The following SLC24A4 variants were observed in gnomAD, a reference collection of about 807,000 sequenced individuals.
SLC24A4 encodes solute carrier family 24 member 4.
Under a neutral mutation model 79.0 loss-of-function variants are expected in SLC24A4, and 53 were observed. That is an observed-to-expected ratio of 0.67 (90% CI 0.54 to 0.84). SLC24A4 has a LOEUF of 0.84. Ranked by LOEUF, SLC24A4 falls within the 40% of genes least tolerant of loss-of-function variation. The pLI is 0.00. For missense variants in SLC24A4, 731 were observed against 822.0 expected, an observed-to-expected ratio of 0.89 and a Z score of 1.35; for synonymous variants, 323 against 323.8, an observed-to-expected ratio of 1.00 and a Z score of 0.03.
rs977577874 is a variant in SLC24A4 at position 92,495,274 on chromosome 14, A to C, written c.*1646A>C. The C allele has an allele frequency of 6.6e-6, 1 of 152,136 alleles. No individual in the cohort carries two copies. Among genetic ancestry groups the C allele is most frequent in the African/African-American group, 2.4e-5 (1 of 41,396 alleles). The allele number at this position is 152,136 out of a possible 1,614,324, so 9.4% of individuals were successfully genotyped here. ...GGAAGTGTTCGTGCTTGTGTCCCTG[A>C]AGTTCCCTGTTGCATGAGCCTGCGA... On this transcript the variant is annotated 3_prime_UTR_variant, in exon 17 of 17. Transcript: ENST00000532405.
chr14:92,342,082 A>T (rs1032630243), intron 2 of SLC24A4, among the ~76,000 whole-genome samples: 1 of 151,982 alleles, frequency 6.6e-6, no homozygotes, highest in Non-Finnish European at 1.5e-5. Flanking sequence ...CACTGGGAGG[A>T]TGTTGCTGCC....
At chr14:92,408,410 A>G (rs1041541099) in intron 2 of SLC24A4, 51 of 985,322 alleles carry the variant, frequency 5.2e-5, no homozygotes, top group Non-Finnish European at 5.7e-5. Flanking sequence ...AACTGCAGCT[A>G]AAGCTCTCCT....
In SLC24A4 at chr14:92,442,102, G is replaced by A. The variant is rs1892534505; in HGVS notation, c.407G>A (p.Ser136Asn). The A allele has an allele frequency of 6.2e-7, 1 of 1,613,944 alleles. No individual in the cohort carries two copies. Among genetic ancestry groups the A allele is most frequent in the Non-Finnish European group, 8.5e-7 (1 of 1,179,864 alleles). The change falls in exon 5 of 17, where the codon AGC (serine) becomes AAC (asparagine). Residue 136 changes from serine to asparagine, a missense_variant. Physicochemically the swap from Ser to Asn is conservative, Grantham distance 46. Coordinates refer to ENST00000532405, the MANE Select transcript of SLC24A4 (RefSeq NM_153646.4). ...LEKICERLHLSEDVAGATFMA... is the reference protein window; with the variant it reads ...LEKICERLHLNEDVAGATFMA... The stretch of plus-strand genomic sequence containing the variant: ...CTTCCGTTTCAGAGACTCCATCTGA[G>A]CGAAGATGTGGCTGGAGCCACCTTC...
intron 2 of SLC24A4, among the ~76,000 whole-genome samples, chr14:92,368,320 T>C (rs963066192): frequency 2.2e-4 from 34 of 152,202 alleles, no homozygotes; most frequent in Admixed American, 1.8e-3. Context: ...CTTCACTGGG[T>C]TTATAAGACG....
chr14:92,372,376 C>T (rs928516290), intron 2 of SLC24A4, among the ~76,000 whole-genome samples: 3 of 152,166 alleles, frequency 2.0e-5, no homozygotes, highest in Non-Finnish European at 4.4e-5. Context: ...TGACCAGCTG[C>T]TGCCCACAGA....
chr14:92,372,889 C>CTTCG lies in SLC24A4; in HGVS notation c.241+46914_241+46915insGTTC, dbSNP rs1555363104. ...TGTCCCTTCCTTCCTTCCTTCCTTC[C>CTTCG]TTCCTTCCTTCCTTCCTTCCTTCCT... is the stretch of plus-strand genomic sequence containing the variant. On this transcript the variant is annotated intron_variant, in intron 2 of 16. Coordinates refer to ENST00000532405, the MANE Select transcript of SLC24A4 (RefSeq NM_153646.4). Among the ~76,000 whole-genome samples the CTTCG allele has an allele frequency of 4.9e-3, 545 of 110,416 alleles. 4 individuals carry two copies. The highest frequency in any genetic ancestry group is 0.016 in the African/African-American group (491 of 29,822). The allele number at this position is 110,416 out of a possible 152,430, so 72.4% of individuals were successfully genotyped here.
chr14:92,476,604 G>A (rs907646581), intron 12 of SLC24A4, among the ~76,000 whole-genome samples: 3 of 152,026 alleles, frequency 2.0e-5, no homozygotes, highest in South Asian at 2.1e-4. Flanking sequence ...AAACTAATTC[G>A]TGGTTTTTGC....
At chr14:92,416,697 C>T (rs766700979) in intron 2 of SLC24A4, among the ~76,000 whole-genome samples, 1 of 152,166 alleles carries the variant, frequency 6.6e-6, no homozygotes, top group African/African-American at 2.4e-5. Flanking sequence ...TCAAACCTCA[C>T]GGTGCTTTTG....
intron 10 of SLC24A4, chr14:92,451,907 G>C (rs1893162156): frequency 6.6e-6 from 1 of 152,624 alleles, no homozygotes; most frequent in African/African-American, 2.4e-5. Flanking sequence ...GCCTGGCCTG[G>C]GGCTGGACTG....
At chr14:92,439,997 C>T (rs1235070854) in intron 4 of SLC24A4, among the ~76,000 whole-genome samples, 2 of 152,384 alleles carry the variant, frequency 1.3e-5, no homozygotes, top group East Asian at 1.9e-4. Context: ...CCGTTTGCAG[C>T]ACCTCCTGTG....
chr14:92,484,172 C>T (rs1895232792), intron 13 of SLC24A4: 1 of 985,272 alleles, frequency 1.0e-6, no homozygotes, highest in Non-Finnish European at 1.2e-6. Flanking sequence ...CCAATCACGC[C>T]TTCCCCCATC....
chr14:92,366,710 C>T (rs560669345), intron 2 of SLC24A4, among the ~76,000 whole-genome samples: 2 of 152,338 alleles, frequency 1.3e-5, no homozygotes, highest in East Asian at 3.9e-4. Flanking sequence ...AAAATCCACA[C>T]CGATATGGCC....
intron 2 of SLC24A4, among the ~76,000 whole-genome samples, chr14:92,362,738 C>T (rs1432510055): frequency 3.9e-5 from 6 of 152,232 alleles, no homozygotes; most frequent in East Asian, 1.9e-4. Flanking sequence ...TGTCACCATG[C>T]GCTCCTCCTC....
At chr14:92,390,394 A>G (rs961503992) in intron 2 of SLC24A4, among the ~76,000 whole-genome samples, 7 of 152,088 alleles carry the variant, frequency 4.6e-5, no homozygotes, top group Non-Finnish European at 1.0e-4. Flanking sequence ...AGCCCTTGTT[A>G]TATTTAAGAT....
chr14:92,389,918 T>A (rs1889371116), intron 2 of SLC24A4, among the ~76,000 whole-genome samples: 1 of 152,136 alleles, frequency 6.6e-6, no homozygotes, highest in South Asian at 2.1e-4. Flanking sequence ...TTCCCAAGCA[T>A]CCTCTGCAGC....
chr14:92,493,504 G>T lies in SLC24A4; in HGVS notation c.1745G>T (p.Arg582Leu). ...TVLGIHLNKW[R>L]LDRKLGVYVL... ...CTCGGCATCCACCTAAACAAGTGGC[G>T]ACTGGACCGGAAGCTGGGTGTCTAC... is the stretch of plus-strand genomic sequence containing the variant. Residue 582 changes from arginine (R) to leucine (L), a missense_variant, in exon 17 of 17, where the codon CGA (arginine) becomes CTA (leucine). By Grantham distance (102) the Arg-to-Leu change is moderately radical. Coordinates refer to ENST00000532405, the MANE Select transcript of SLC24A4 (RefSeq NM_153646.4). The T allele has an allele frequency of 6.2e-7, 1 of 1,614,234 alleles. No individual in the cohort carries two copies. Among genetic ancestry groups the T allele is most frequent in the Non-Finnish European group, 8.5e-7 (1 of 1,180,030 alleles).
At chr14:92,447,589 G>A (rs1163342419) in intron 9 of SLC24A4, among the ~76,000 whole-genome samples, 165 bp downstream of exon 9, 6 of 152,280 alleles carry the variant, frequency 3.9e-5, no homozygotes, top group Admixed American at 2.0e-4. Context: ...AGTAGGGGAG[G>A]GGTGTCAGAT....
At chr14:92,359,505 A>G (rs1405816185) in intron 2 of SLC24A4, among the ~76,000 whole-genome samples, 1 of 152,146 alleles carries the variant, frequency 6.6e-6, no homozygotes. Context: ...AGGCTGAGGC[A>G]GGAGAATCGC....
At chr14:92,385,326 G>A (rs1034126882) in intron 2 of SLC24A4, among the ~76,000 whole-genome samples, 1 of 152,080 alleles carries the variant, frequency 6.6e-6, no homozygotes, top group African/African-American at 2.4e-5. Flanking sequence ...CCAACATGGT[G>A]AAACCCTGTC....
Sources: allele counts gnomAD v4.1 joint callset (sites outside exome capture counted in the v4.1 genomes callset), GRCh38; gene constraint gnomAD v4.1.1; transcripts MANE v1.5; gene names NCBI Gene and HGNC (gene_info 2026-07-23, HGNC 2026-07-21).